HSPG2: variants seen among roughly 807,000 people sequenced by gnomAD.
HSPG2 encodes the protein heparan sulfate proteoglycan 2, also known as basement membrane-specific heparan sulfate proteoglycan core protein.
In HSPG2, 278 loss-of-function variants were observed where a neutral mutation model predicts 526.6. The ratio of observed to expected loss-of-function variants is 0.53; its 90% CI spans 0.48 to 0.58. HSPG2 has a LOEUF of 0.58. HSPG2 is among the 20% of genes least tolerant of loss of function. The pLI is 0.00. For synonymous variants in HSPG2, 2,465 were observed against 2,555.4 expected (o/e 0.96, Z 1.07); for missense variants, 5,354 against 6,099.5 (o/e 0.88, Z 4.07).
chr1:21,896,029 C>T, intron 2 of HSPG2, 63 bp from the exon 3 acceptor site: 1 of 1,593,512 alleles, frequency 6.3e-7, no homozygotes, highest in Admixed American at 1.7e-5. Context: ...TACTGGGTGT[C>T]AGGCACTGTT....
At chr1:21,851,434 A>G (rs1472520620) in intron 55 of HSPG2, 112 bp downstream of exon 55, 2 of 1,499,444 alleles carry the variant, frequency 1.3e-6, no homozygotes, top group African/African-American at 2.8e-5. Flanking sequence ...CATCTGTGCA[A>G]TGGGGTCCAG....
intron 33 of HSPG2, chr1:21,868,964 G>C (rs1026003739): frequency 2.8e-5 from 27 of 968,090 alleles, no homozygotes; most frequent in Non-Finnish European, 3.3e-5. Context: ...GTAGGAGAGA[G>C]AGAACTAGGA....
At chr1:21,836,407 C>T (rs1484054814) in intron 75 of HSPG2, among the ~76,000 whole-genome samples, 13 of 152,172 alleles carry the variant, frequency 8.5e-5, no homozygotes, top group Non-Finnish European at 1.3e-4. Context: ...CTGCAACTTC[C>T]GCCTCCTGGG....
chr1:21,880,666 T>G lies in HSPG2; in HGVS notation c.1988A>C (p.Gln663Pro), dbSNP rs1330866141. The change falls in exon 15 of 97, where the codon CAG becomes CCG. Residue 663 changes from glutamine (Q) to proline (P), a missense_variant. Transcript: ENST00000374695. ...QPGALNQRQV[Q>P]FSEEHWVHES... ...TCAGGCGCCACCCACCTCAGAGAAC[T>G]GGACCTGGCGCTGGTTCAGAGCACC... 6.3e-7 allele frequency: 1 copy of G among 1,594,096 alleles called. No homozygotes were observed. The highest frequency in any genetic ancestry group is 1.3e-5 in the African/African-American group (1 of 74,610).
At chr1:21,896,967 T>G (rs192350237) in intron 1 of HSPG2, among the ~76,000 whole-genome samples, 195 of 152,296 alleles carry the variant, frequency 1.3e-3, no homozygotes, top group African/African-American at 4.4e-3. Flanking sequence ...CTGGGCTGAA[T>G]GGGGACAGGC....
chr1:21,880,046 G>A lies in HSPG2; in HGVS notation c.2343+61C>T, dbSNP rs182908154. ...CTTGTGCTGAGCTCATGAACACAGGGAATCTCACACATTGTCCCTTCTCCT... is the reference window on the plus strand; with the variant it reads ...CTTGTGCTGAGCTCATGAACACAGGAAATCTCACACATTGTCCCTTCTCCT... On this transcript the variant is annotated intron_variant, in intron 17 of 96. Coordinates refer to ENST00000374695, the MANE Select transcript of HSPG2 (RefSeq NM_005529.7). 153 of 1,582,864 alleles carry A rather than the reference G, an allele frequency of 9.7e-5. No individual in the cohort carries two copies. The African/African-American group carries it at 1.9e-3, about 19-fold the overall frequency.
chr1:21,848,668 C>G lies in HSPG2; in HGVS notation c.7712G>C (p.Gly2571Ala). The change falls in exon 59 of 97, where the codon GGA (glycine) becomes GCA (alanine). Residue 2571 changes from glycine (G) to alanine (A), a missense_variant. Gly to Ala is a moderately conservative substitution (Grantham distance 60). Coordinates refer to ENST00000374695, the MANE Select transcript of HSPG2 (RefSeq NM_005529.7). This position sits in a 1 kb window ranked among gnomAD's most constrained non-coding sequence, Gnocchi z 4.9. Reference protein sequence around the residue: ...APHTITWYKRGGSLPSRHQIV... With the variant: ...APHTITWYKRAGSLPSRHQIV... ...CTGGTGCCGGCTGGGTAAGCTGCCT[C>G]CACGCTTATACCAGGTGATGGTGTG... The G allele has an allele frequency of 6.2e-7, 1 of 1,613,646 alleles. No individual in the cohort carries two copies. The highest frequency in any genetic ancestry group is 8.5e-7 in the Non-Finnish European group (1 of 1,180,018).
chr1:21,875,103 C>G (rs1401222944), intron 25 of HSPG2, 101 bp from the exon 26 acceptor site: 3 of 870,194 alleles, frequency 3.4e-6, no homozygotes, highest in South Asian at 2.8e-5. Flanking sequence ...CCCGACAGCC[C>G]TGTCACAGTG....
chr1:21,856,010 C>G, intron 44 of HSPG2, 98 bp from the exon 45 acceptor site: 1 of 1,510,490 alleles, frequency 6.6e-7, no homozygotes, highest in Non-Finnish European at 8.9e-7. Context: ...CCAGGCTAGC[C>G]CTCCACGGCC....
intron 1 of HSPG2, among the ~76,000 whole-genome samples, chr1:21,909,701 A>G (rs1010678778): frequency 2.6e-5 from 4 of 152,170 alleles, no homozygotes; most frequent in Non-Finnish European, 5.9e-5. Context: ...TCAGTACCCC[A>G]CCAACCTCAC....
chr1:21,828,558 C>T lies in HSPG2; in HGVS notation c.12238-132G>A, dbSNP rs889477797. On this transcript the variant is annotated intron_variant, in intron 88 of 96. Coordinates refer to ENST00000374695, the MANE Select transcript of HSPG2 (RefSeq NM_005529.7). This position sits in a 1 kb window ranked among gnomAD's most constrained non-coding sequence, Gnocchi z 6.0. ...GGCCCTGAGTGGTAGCATGGATTCT[C>T]GGTGTGGGGAGGGAGGCGCAGGAGT... 5.0e-6 allele frequency: 5 copies of T among 1,007,406 alleles called. No homozygotes were observed. The highest frequency in any genetic ancestry group is 2.5e-5 in the East Asian group (1 of 40,138). The allele number at this position is 1,007,406 out of a possible 1,614,324, so 62.4% of individuals were successfully genotyped here.
chr1:21,838,694 G>C, intron 74 of HSPG2, 131 bp downstream of exon 74: 1 of 949,958 alleles, frequency 1.1e-6, no homozygotes, highest in East Asian at 2.6e-5. Flanking sequence ...GGGCCCTGGA[G>C]AGTAGGGGAG....
In HSPG2 at chr1:21,846,181, G is replaced by A. The variant is rs1233472653; in HGVS notation, c.8391C>T (p.Gly2797=). Residue 2797 remains glycine (G), a synonymous_variant, in exon 64 of 97, where the codon GGC becomes GGT. Transcript: ENST00000374695. ...CTGAGGCCTCCAGGGGGCCAGAGCT[G>A]CCCATCACCCGGCACACGTATTCAC... The part of the protein sequence containing the change: ...DSGEYVCRVM[G]SSGPLEASVL... The A allele has an allele frequency of 8.1e-6, 13 of 1,613,074 alleles. No individual in the cohort carries two copies. The highest frequency in any genetic ancestry group is 1.1e-5 in the Non-Finnish European group (13 of 1,180,006).
chr1:21,936,919 G>A (rs760562686), intron 1 of HSPG2, among the ~76,000 whole-genome samples: 96 of 152,138 alleles, frequency 6.3e-4, no homozygotes, highest in Non-Finnish European at 1.2e-3. Context: ...GCTCCCACAC[G>A]GGCCAGCCCC....
Position 21,854,491 on chromosome 1 carries a change from G to C in HSPG2, c.6288+120C>G. 16 of 1,451,256 alleles carry C rather than the reference G, an allele frequency of 1.1e-5. 1 individual carries two copies. The South Asian group carries it at 2.1e-4, about 19-fold the overall frequency. The allele number at this position is 1,451,256 out of a possible 1,614,324, so 89.9% of individuals were successfully genotyped here. On this transcript the variant is annotated intron_variant, in intron 49 of 96. Coordinates refer to ENST00000374695, the MANE Select transcript of HSPG2 (RefSeq NM_005529.7). The stretch of plus-strand genomic sequence containing the variant: ...ACTGGGAGGGAGGGAGATGAGGCCT[G>C]GCTTCTGCTGGTGGAACGTGTGGGG...
intron 6 of HSPG2, among the ~76,000 whole-genome samples, chr1:21,889,192 T>C (rs538712256): frequency 1.3e-5 from 2 of 152,312 alleles, no homozygotes; most frequent in South Asian, 2.1e-4. Flanking sequence ...TGAGTTCCAC[T>C]GAGTCAGGGT....
At position 21,904,663 on chromosome 1, in the gene HSPG2, G is replaced by A. The variant is rs143551401; in HGVS notation, c.64-8353C>T. Among the ~76,000 whole-genome samples the A allele has an allele frequency of 0.01, 1,569 of 152,348 alleles. 17 individuals are homozygous for A. The highest frequency in any genetic ancestry group is 0.016 in the Non-Finnish European group (1,092 of 68,018). On this transcript the variant is annotated intron_variant, in intron 1 of 96. Coordinates refer to ENST00000374695, the MANE Select transcript of HSPG2 (RefSeq NM_005529.7). This position sits in a 1 kb window ranked among gnomAD's most constrained non-coding sequence, Gnocchi z 4.4. ...GGAAATGCCCTTGCCTCACCCATGTGCCAGGTGTGGCCAAGGCGGTGGGGG... is the reference window on the plus strand; with the variant it reads ...GGAAATGCCCTTGCCTCACCCATGTACCAGGTGTGGCCAAGGCGGTGGGGG...
At chr1:21,918,384 G>T (rs1643940075) in intron 1 of HSPG2, among the ~76,000 whole-genome samples, 1 of 151,488 alleles carries the variant, frequency 6.6e-6, no homozygotes, top group South Asian at 2.1e-4. Flanking sequence ...AGAATCACTT[G>T]AACCTGGAAG....
At chr1:21,837,131 A>C in intron 74 of HSPG2, 125 bp from the exon 75 acceptor site, 2 of 879,078 alleles carry the variant, frequency 2.3e-6, no homozygotes, top group Non-Finnish European at 3.6e-6. Flanking sequence ...CTCTCTGACC[A>C]GGGAAAAAAG....
Sources: gnomAD v4.1 joint callset for allele counts (sites outside exome capture counted in the v4.1 genomes callset) on GRCh38, gnomAD v4.1.1 for gene constraint, Gnocchi (gnomAD v3.1) non-coding constraint, MANE v1.5 for transcripts, NCBI Gene and HGNC (gene_info 2026-07-23, HGNC 2026-07-21) for gene names.